The following XPR1 variants were observed in gnomAD, a reference collection of about 807,000 sequenced individuals.
The protein encoded by XPR1 is solute carrier family 53 member 1.
A neutral mutation model predicts 87.5 loss-of-function variants in XPR1; 28 were observed. The ratio of observed to expected loss-of-function variants is 0.32; its 90% CI spans 0.24 to 0.44. XPR1 has a LOEUF of 0.44. Ranked by LOEUF, XPR1 falls within the 20% of genes least tolerant of loss-of-function variation. The pLI is 1.00. For synonymous variants in XPR1, 300 were observed against 306.1 expected, an observed-to-expected ratio of 0.98 and a Z score of 0.21; for missense variants, 559 against 862.3, an observed-to-expected ratio of 0.65 and a Z score of 4.41.
chr1:180,763,755 G>T (rs751778040), intron 2 of XPR1, among the ~76,000 whole-genome samples: 8 of 152,178 alleles, frequency 5.3e-5, no homozygotes, highest in Non-Finnish European at 8.8e-5. Flanking sequence ...ATCAAAAACT[G>T]TTGCTAATGA....
intron 1 of XPR1, among the ~76,000 whole-genome samples, chr1:180,637,912 G>A (rs867571835): frequency 3.3e-5 from 5 of 152,132 alleles, no homozygotes; most frequent in Non-Finnish European, 4.4e-5. Flanking sequence ...GAACTTGACT[G>A]TAAGTGTATA....
intron 11 of XPR1, among the ~76,000 whole-genome samples, chr1:180,855,763 C>T (rs1013704744): frequency 6.6e-6 from 1 of 152,052 alleles, no homozygotes; most frequent in Non-Finnish European, 1.5e-5. Flanking sequence ...TTCTTACAGA[C>T]CACCTTGTCT....
At chr1:180,828,974 A>AGT in intron 9 of XPR1, among the ~76,000 whole-genome samples, 1 of 152,096 alleles carries the variant, frequency 6.6e-6, no homozygotes, top group Non-Finnish European at 1.5e-5. Context: ...AGGTGGGAGG[A>AGT]TCGCTTAAGC....
rs184560444 is a variant in XPR1 at position 180,735,667 on chromosome 1, G to A, written c.122-52086G>A. On this transcript the variant is annotated intron_variant, in intron 2 of 14. Transcript: ENST00000367590. ...TGATAATCAATGCTTTTAACAAATC[G>A]GAAGCACTACAGTTTGTAAAACAGA... 1.3e-4 allele frequency among the ~76,000 whole-genome samples: 20 copies of A among 152,156 alleles called. No homozygotes were observed. In the East Asian group the frequency reaches 3.5e-3, roughly 26 times the overall value.
intron 2 of XPR1, among the ~76,000 whole-genome samples, chr1:180,695,446 G>A (rs1334597014): frequency 2.9e-5 from 4 of 139,728 alleles, no homozygotes; most frequent in Admixed American, 7.7e-5. Context: ...GTGTGTATGC[G>A]CGCGCACGCG....
intron 2 of XPR1, among the ~76,000 whole-genome samples, chr1:180,787,207 A>G (rs1195223255): frequency 1.3e-5 from 2 of 151,636 alleles, no homozygotes; most frequent in Admixed American, 6.6e-5. Context: ...AACATTGTAA[A>G]TTTATTATAG....
At chr1:180,781,456 T>G (rs942379195) in intron 2 of XPR1, among the ~76,000 whole-genome samples, 1 of 151,998 alleles carries the variant, frequency 6.6e-6, no homozygotes, top group Non-Finnish European at 1.5e-5. Context: ...ATTGGCCTTT[T>G]ATGTATTTAA....
rs78965081 is a variant in XPR1, at chr1:180,858,943, G to A, written c.1502-4765G>A. ...AAAGGTTTGATTTTTCTTTTTTTTG[G>A]TAATAGAAATAGATCCAGGATTTGC... On this transcript the variant is annotated intron_variant, in intron 11 of 14. Transcript: ENST00000367590. 6.4e-3 allele frequency among the ~76,000 whole-genome samples: 966 copies of A among 151,968 alleles called. 5 individuals are homozygous for A. The highest frequency in any genetic ancestry group is 0.01 in the Admixed American group (153 of 15,258).
At chr1:180,682,631 G>C (rs1246717151) in intron 2 of XPR1, among the ~76,000 whole-genome samples, 1 of 151,088 alleles carries the variant, frequency 6.6e-6, no homozygotes, top group African/African-American at 2.4e-5. Flanking sequence ...CTATGTCTTT[G>C]TGTCACCTTA....
chr1:180,705,942 G>C (rs145252436), intron 2 of XPR1, among the ~76,000 whole-genome samples: 1 of 152,336 alleles, frequency 6.6e-6, no homozygotes, highest in African/African-American at 2.4e-5. Context: ...ACTGGATCTT[G>C]AAGCATGGTT....
At chr1:180,876,784 T>C (rs1357698714) in intron 13 of XPR1, among the ~76,000 whole-genome samples, 3 of 152,190 alleles carry the variant, frequency 2.0e-5, no homozygotes, top group Admixed American at 2.0e-4. Flanking sequence ...ATCAAGAACA[T>C]ATTTAACAGT....
intron 5 of XPR1, 128 bp from the exon 6 acceptor site, chr1:180,806,346 A>G: frequency 1.4e-6 from 2 of 1,453,914 alleles, no homozygotes; most frequent in East Asian, 4.8e-5. Flanking sequence ...ATTTTTTTTC[A>G]TTTTCTTTAT....
chr1:180,670,391 T>C (rs1656129281), intron 1 of XPR1, among the ~76,000 whole-genome samples: 1 of 152,164 alleles, frequency 6.6e-6, no homozygotes, highest in African/African-American at 2.4e-5. Flanking sequence ...TATAAATATT[T>C]TCTTTGTGGT....
chr1:180,878,948 C>A (rs1341890246), intron 13 of XPR1, among the ~76,000 whole-genome samples: 2 of 152,192 alleles, frequency 1.3e-5, no homozygotes, highest in Non-Finnish European at 2.9e-5. Flanking sequence ...ATGTGAAATA[C>A]TGTCTTTATG....
At chr1:180,843,965 C>G (rs972950020) in intron 11 of XPR1, among the ~76,000 whole-genome samples, 11 of 152,310 alleles carry the variant, frequency 7.2e-5, no homozygotes, top group African/African-American at 2.6e-4. Context: ...GTAATCCCAG[C>G]ACTTTGGGAG....
At chr1:180,699,209 C>CTTTTT (rs1168669274) in intron 2 of XPR1, among the ~76,000 whole-genome samples, 119 of 132,448 alleles carry the variant, frequency 9.0e-4, no homozygotes, top group Non-Finnish European at 1.3e-3. Context: ...TTTATTCTTT[C>CTTTTT]TTTTTTTTTT....
chr1:180,760,744 T>G (rs1647987942), intron 2 of XPR1, among the ~76,000 whole-genome samples: 1 of 152,172 alleles, frequency 6.6e-6, no homozygotes, highest in Non-Finnish European at 1.5e-5. Flanking sequence ...TGGACTTTCT[T>G]CACAGAATTG....
Position 180,873,829 on chromosome 1 carries a change from G to C in XPR1, c.1695G>C (p.Glu565Asp). The change falls in exon 13 of 15, where the codon GAG becomes GAC. Residue 565 changes from glutamate to aspartate, a missense_variant. Glu to Asp is a conservative substitution (Grantham distance 45). Transcript: ENST00000367590. ...CCTACTACTACTGTGCCATAATAGA[G>C]GATGTGATTCTGCGCTTTGCTTGGA... ...QKAYYYCAII[E>D]DVILRFAWTI... 1 of 1,614,024 alleles carries C rather than the reference G, an allele frequency of 6.2e-7. No homozygotes were observed. The highest frequency in any genetic ancestry group is 8.5e-7 in the Non-Finnish European group (1 of 1,179,992).
intron 2 of XPR1, among the ~76,000 whole-genome samples, chr1:180,784,838 CTG>C (rs1334911676): frequency 3.3e-5 from 5 of 151,812 alleles, no homozygotes; most frequent in African/African-American, 7.3e-5. Flanking sequence ...GTTCTTTTTG[CTG>C]TGTTTTTCTC....
Sources: allele counts gnomAD v4.1 joint callset (sites outside exome capture counted in the v4.1 genomes callset), GRCh38; gene constraint gnomAD v4.1.1; transcripts MANE v1.5; gene names NCBI Gene and HGNC (gene_info 2026-07-23, HGNC 2026-07-21).